The following FOXK2 variants were observed in gnomAD, a reference collection of about 807,000 sequenced individuals.
FOXK2 encodes forkhead box protein K2.
In FOXK2, 24 loss-of-function variants were observed where a neutral mutation model predicts 53.3. That is an observed-to-expected ratio of 0.45 (90% CI 0.33 to 0.63). The LOEUF is 0.63. FOXK2 is among the 30% of genes least tolerant of loss of function. The pLI is 0.03. For synonymous variants in FOXK2, 505 were observed against 407.1 expected (o/e 1.24, Z -2.89); for missense variants, 952 against 910.5 (o/e 1.05, Z -0.59).
intron 4 of FOXK2, among the ~76,000 whole-genome samples, chr17:82,582,022 CT>C (rs2045069400): frequency 6.6e-6 from 1 of 152,176 alleles, no homozygotes; most frequent in Non-Finnish European, 1.5e-5. Flanking sequence ...GATTTTCAGC[CT>C]CCTGCTCATT....
At chr17:82,565,290 G>A (rs887775848) in intron 2 of FOXK2, among the ~76,000 whole-genome samples, 2 of 152,036 alleles carry the variant, frequency 1.3e-5, no homozygotes, top group Non-Finnish European at 2.9e-5. Flanking sequence ...GATACCAAAG[G>A]CACAGGCAAC....
intron 1 of FOXK2, among the ~76,000 whole-genome samples, chr17:82,548,482 T>A (rs947180573): frequency 1.3e-5 from 2 of 152,242 alleles, no homozygotes; most frequent in African/African-American, 4.8e-5. Context: ...TAATGGGTTG[T>A]TTACCTTCTT....
At chr17:82,553,992 C>T (rs111482571) in intron 1 of FOXK2, among the ~76,000 whole-genome samples, 3,802 of 152,156 alleles carry the variant, frequency 0.025, 79 homozygotes, top group South Asian at 0.042. Context: ...CACCACCACG[C>T]CTGGGTAATT....
chr17:82,576,604 G>A, intron 4 of FOXK2: 1 of 1,001,324 alleles, frequency 1.0e-6, no homozygotes, highest in Non-Finnish European at 1.6e-6. Context: ...TTGGCTGGAG[G>A]GAGGACCCAG....
chr17:82,577,068 A>T (rs12602784), intron 4 of FOXK2: 115,572 of 439,130 alleles, frequency 0.26, 16,673 homozygotes, highest in East Asian at 0.42. Context: ...AGGCTGAAGC[A>T]GGAGAATTGT....
At chr17:82,566,220 TTTATG>T (rs1358337895) in intron 2 of FOXK2, among the ~76,000 whole-genome samples, 1 of 152,008 alleles carries the variant, frequency 6.6e-6, no homozygotes, top group Non-Finnish European at 1.5e-5. Context: ...AATGGTAAAT[TTTATG>T]TTGTGTGTAT....
intron 1 of FOXK2, among the ~76,000 whole-genome samples, chr17:82,523,242 TG>T (rs1173354930): frequency 3.3e-5 from 5 of 151,870 alleles, no homozygotes; most frequent in Non-Finnish European, 7.4e-5. Flanking sequence ...CTCATGGGCC[TG>T]GGACTCTCTA....
intron 1 of FOXK2, among the ~76,000 whole-genome samples, chr17:82,536,887 T>C (rs2144063382): frequency 6.6e-6 from 1 of 152,350 alleles, no homozygotes; most frequent in East Asian, 1.9e-4. Flanking sequence ...TTGAAATGTT[T>C]TTAAGCTTTT....
At chr17:82,586,960 T>G (rs2045184713) in intron 7 of FOXK2, 103 bp from the exon 8 acceptor site, 1 of 1,043,614 alleles carries the variant, frequency 9.6e-7, no homozygotes, top group Non-Finnish European at 1.5e-6. Context: ...TAGAGACATT[T>G]TCTAGCAGGT....
chr17:82,523,382 C>T lies in FOXK2; in HGVS notation c.419+3075C>T, dbSNP rs1225075234. On this transcript the variant is annotated intron_variant, in intron 1 of 8. Transcript: ENST00000335255. Reference sequence around the variant, plus strand: ...TTCCTTTTTTGTAAGGTATCATTTCCAAATTTGTGGTGTAGGGCAGTAACA... The same window carrying T: ...TTCCTTTTTTGTAAGGTATCATTTCTAAATTTGTGGTGTAGGGCAGTAACA... Among the ~76,000 whole-genome samples, 4 of 152,028 alleles carry T rather than the reference C, an allele frequency of 2.6e-5. No individual in the cohort carries two copies. In the East Asian group the frequency reaches 7.7e-4, roughly 29 times the overall value.
intron 1 of FOXK2, among the ~76,000 whole-genome samples, chr17:82,558,453 A>G (rs1677856473): frequency 6.6e-6 from 1 of 152,222 alleles, no homozygotes; most frequent in South Asian, 2.1e-4. Context: ...AACTCTACGG[A>G]GAAGTACGAG....
intron 8 of FOXK2, among the ~76,000 whole-genome samples, chr17:82,587,751 C>A (rs1416884457): frequency 6.6e-6 from 1 of 152,160 alleles, no homozygotes; most frequent in African/African-American, 2.4e-5. Context: ...GACACCAGAA[C>A]CTCCGCGCCG....
intron 4 of FOXK2, among the ~76,000 whole-genome samples, chr17:82,581,569 G>A (rs1169886308): frequency 1.3e-5 from 2 of 150,136 alleles, no homozygotes; most frequent in Non-Finnish European, 3.0e-5. Flanking sequence ...TCTGCCTCCC[G>A]GGTTCACACC....
intron 8 of FOXK2, among the ~76,000 whole-genome samples, chr17:82,592,740 C>G (rs1343981391): frequency 6.6e-6 from 1 of 152,266 alleles, no homozygotes; most frequent in Admixed American, 6.5e-5. Flanking sequence ...CTGGGGTTCT[C>G]TGCATCTCAG....
intron 6 of FOXK2, among the ~76,000 whole-genome samples, chr17:82,584,671 T>C (rs1254944174): frequency 4.0e-5 from 6 of 150,008 alleles, no homozygotes; most frequent in East Asian, 2.0e-4. Flanking sequence ...GCTTCCCGAG[T>C]AGCTGGGACT....
At chr17:82,534,692 G>C (rs1365235549) in intron 1 of FOXK2, among the ~76,000 whole-genome samples, 2 of 152,244 alleles carry the variant, frequency 1.3e-5, no homozygotes, top group African/African-American at 2.4e-5. Flanking sequence ...TGACTTTAGT[G>C]ACTGGGTGCC....
intron 1 of FOXK2, among the ~76,000 whole-genome samples, chr17:82,541,940 A>G (rs571296973): frequency 6.9e-6 from 1 of 145,914 alleles, no homozygotes; most frequent in East Asian, 2.1e-4. Context: ...GAGTGCAGTG[A>G]CACAATCTCA....
At chr17:82,547,118 C>A (rs980772449) in intron 1 of FOXK2, among the ~76,000 whole-genome samples, 1 of 151,542 alleles carries the variant, frequency 6.6e-6, no homozygotes, top group Non-Finnish European at 1.5e-5. Context: ...AAAGAATACA[C>A]TGATCTCTCT....
intron 1 of FOXK2, among the ~76,000 whole-genome samples, chr17:82,546,174 T>C (rs1411059567): frequency 7.2e-6 from 1 of 139,060 alleles, no homozygotes; most frequent in Non-Finnish European, 1.5e-5. Context: ...TGGAGTGCAG[T>C]GGTGCCATCT....
Sources: allele counts gnomAD v4.1 joint callset (sites outside exome capture counted in the v4.1 genomes callset), GRCh38; gene constraint gnomAD v4.1.1; transcripts MANE v1.5; gene names NCBI Gene and HGNC (gene_info 2026-07-23, HGNC 2026-07-21).